GFOD1: variants seen among roughly 807,000 people sequenced by gnomAD.
GFOD1 encodes the protein Gfo/Idh/MocA-like oxidoreductase domain containing 1, also known as glucose-fructose oxidoreductase domain-containing protein 1.
In GFOD1, 9 loss-of-function variants were observed where a neutral mutation model predicts 25.4. The ratio of observed to expected loss-of-function variants is 0.35; its 90% CI spans 0.21 to 0.62. The LOEUF (loss-of-function observed/expected upper bound fraction) is 0.62, where lower values mean the gene tolerates loss of function less well. Among genes scored for constraint, GFOD1 ranks in the 20% least tolerant of loss-of-function variants. The pLI, the probability that GFOD1 is intolerant of heterozygous loss-of-function variation, is 0.72. For synonymous variants in GFOD1, 253 were observed against 245.6 expected, an observed-to-expected ratio of 1.03 and a Z score of -0.28; for missense variants, 403 against 556.9, an observed-to-expected ratio of 0.72 and a Z score of 2.78.
At chr6:13,383,549 G>A (rs1785406484) in intron 1 of GFOD1, among the ~76,000 whole-genome samples, 1 of 152,252 alleles carries the variant, frequency 6.6e-6, no homozygotes, top group African/African-American at 2.4e-5. Flanking sequence ...ATGGAACTGT[G>A]GGTGGCAGAG....
intron 1 of GFOD1, among the ~76,000 whole-genome samples, chr6:13,427,661 GC>G (rs1162936772): frequency 6.6e-6 from 1 of 152,120 alleles, no homozygotes; most frequent in Non-Finnish European, 1.5e-5. Context: ...AAAAAAAAAG[GC>G]TTTGTAATAA....
At chr6:13,385,021 T>A (rs557264883) in intron 1 of GFOD1, among the ~76,000 whole-genome samples, 1 of 152,140 alleles carries the variant, frequency 6.6e-6, no homozygotes, top group Non-Finnish European at 1.5e-5. Context: ...CAGGGGAGGA[T>A]TAGCTGGTGG....
intron 1 of GFOD1, among the ~76,000 whole-genome samples, chr6:13,453,765 A>G (rs1370807634): frequency 6.6e-6 from 1 of 152,248 alleles, no homozygotes; most frequent in East Asian, 1.9e-4. Context: ...TTTTACTGAT[A>G]TGGAAACAAG....
intron 1 of GFOD1, among the ~76,000 whole-genome samples, chr6:13,366,174 TTTG>T (rs892310859): frequency 7.2e-5 from 11 of 152,104 alleles, no homozygotes; most frequent in African/African-American, 2.2e-4. Flanking sequence ...CATTACTTAA[TTTG>T]TTGTTTTTTG....
chr6:13,371,240 A>G (rs9357702), intron 1 of GFOD1, among the ~76,000 whole-genome samples: 11,450 of 152,278 alleles, frequency 0.075, 597 homozygotes, highest in Non-Finnish European at 0.11. Flanking sequence ...TTCCTAATGG[A>G]GAAACCTACA....
At chr6:13,466,999 C>T (rs2127576529) in intron 1 of GFOD1, among the ~76,000 whole-genome samples, 1 of 152,140 alleles carries the variant, frequency 6.6e-6, no homozygotes, top group Admixed American at 6.5e-5. Flanking sequence ...GTCCCACTAA[C>T]CAACAATGAG....
At chr6:13,400,950 A>G (rs926027479) in intron 1 of GFOD1, among the ~76,000 whole-genome samples, 2 of 152,208 alleles carry the variant, frequency 1.3e-5, no homozygotes, top group East Asian at 3.8e-4. Flanking sequence ...GGGGACAGGA[A>G]ACAATGATGT....
intron 1 of GFOD1, among the ~76,000 whole-genome samples, chr6:13,454,554 A>G (rs1163226527): frequency 6.6e-6 from 1 of 152,168 alleles, no homozygotes; most frequent in Non-Finnish European, 1.5e-5. Context: ...TTAAAAAAAG[A>G]AAAAAGGAAA....
At chr6:13,486,520 G>A (rs1343943786) in intron 1 of GFOD1, 118 bp downstream of exon 1, 4 of 827,920 alleles carry the variant, frequency 4.8e-6, no homozygotes, top group Non-Finnish European at 7.6e-6. Flanking sequence ...GATCCCCGGG[G>A]CAGCGTAGAT....
At chr6:13,444,519 C>A (rs1038742588) in intron 1 of GFOD1, among the ~76,000 whole-genome samples, 4 of 151,752 alleles carry the variant, frequency 2.6e-5, no homozygotes, top group African/African-American at 9.7e-5. Context: ...AAAAAAGAAC[C>A]TTTCTCTAGA....
chr6:13,475,679 T>TCG (rs1758606183), intron 1 of GFOD1, among the ~76,000 whole-genome samples: 1 of 150,416 alleles, frequency 6.6e-6, no homozygotes, highest in South Asian at 2.1e-4. Context: ...GATTACGCCA[T>TCG]TGCACTCCAG....
intron 1 of GFOD1, among the ~76,000 whole-genome samples, chr6:13,477,216 G>GTGTGTGTGT (rs869069113): frequency 0.049 from 6,950 of 140,776 alleles, 336 homozygotes; most frequent in East Asian, 0.068. Flanking sequence ...ACCAATAGGG[G>GTGTGTGTGT]GTGTGTGTGT....
At chr6:13,377,026 T>C (rs1785270269) in intron 1 of GFOD1, among the ~76,000 whole-genome samples, 1 of 152,086 alleles carries the variant, frequency 6.6e-6, no homozygotes, top group Non-Finnish European at 1.5e-5. Context: ...ATGTTTTTTT[T>C]TTTTTTTTAA....
At chr6:13,393,368 C>CAAAAAA (rs70989853) in intron 1 of GFOD1, among the ~76,000 whole-genome samples, 2 of 72,490 alleles carry the variant, frequency 2.8e-5, no homozygotes, top group African/African-American at 1.1e-4. Flanking sequence ...AAACAACCAC[C>CAAAAAA]AAAAAAAAAA....
intron 1 of GFOD1, among the ~76,000 whole-genome samples, chr6:13,433,907 C>T (rs1047294733): frequency 1.3e-5 from 2 of 152,218 alleles, no homozygotes; most frequent in African/African-American, 2.4e-5. Flanking sequence ...TTCCCAAAGG[C>T]GCTTATCTGC....
At chr6:13,439,291 TG>T (rs1757879798) in intron 1 of GFOD1, among the ~76,000 whole-genome samples, 1 of 152,214 alleles carries the variant, frequency 6.6e-6, no homozygotes, top group Non-Finnish European at 1.5e-5. Flanking sequence ...TGGGTGTACC[TG>T]TAGGTCTAAG....
intron 1 of GFOD1, among the ~76,000 whole-genome samples, chr6:13,389,742 C>T (rs190755289): frequency 2.4e-4 from 36 of 152,182 alleles, no homozygotes; most frequent in Non-Finnish European, 4.0e-4. Context: ...TGTACATGTA[C>T]CCTAGAACTT....
At chr6:13,376,086 T>G (rs978491600) in intron 1 of GFOD1, among the ~76,000 whole-genome samples, 5 of 152,210 alleles carry the variant, frequency 3.3e-5, no homozygotes, top group Admixed American at 2.6e-4. Flanking sequence ...CAGGTAGGTA[T>G]GTAGAACCAA....
chr6:13,388,410 C>G lies in GFOD1; in HGVS notation c.254-22748G>C, dbSNP rs561094483. Among the ~76,000 whole-genome samples, 6 of 152,296 alleles carry G rather than the reference C, an allele frequency of 3.9e-5. No individual in the cohort carries two copies. The East Asian group carries it at 1.2e-3, about 29-fold the overall frequency. On this transcript the variant is annotated intron_variant, in intron 1 of 1. Transcript: ENST00000379287. ...AAACAGCATGGTATTGGTACCAAAA[C>G]AGATATATAGACCAATGGAACAGAA... is the stretch of plus-strand genomic sequence containing the variant.
Sources: allele counts gnomAD v4.1 joint callset (sites outside exome capture counted in the v4.1 genomes callset), GRCh38; gene constraint gnomAD v4.1.1; transcripts MANE v1.5; gene names NCBI Gene and HGNC (gene_info 2026-07-23, HGNC 2026-07-21).